SLC24A2: variants seen among roughly 807,000 people sequenced by gnomAD.
SLC24A2 encodes sodium/potassium/calcium exchanger 2.
A neutral mutation model predicts 62.0 loss-of-function variants in SLC24A2; 36 were observed. The ratio of observed to expected loss-of-function variants is 0.58; its 90% CI spans 0.44 to 0.77. The LOEUF (loss-of-function observed/expected upper bound fraction) is 0.77, where lower values mean the gene tolerates loss of function less well. Ranked by LOEUF, SLC24A2 falls within the 30% of genes least tolerant of loss-of-function variation. The pLI, the probability that SLC24A2 is intolerant of heterozygous loss-of-function variation, is 0.00. For missense variants in SLC24A2, 846 were observed against 817.9 expected (o/e 1.03, Z -0.42); for synonymous variants, 358 against 294.0 (o/e 1.22, Z -2.23).
the SLC24A2 span, among the ~76,000 whole-genome samples, chr9:19,829,972 G>T: frequency 6.7e-6 from 1 of 150,126 alleles, no homozygotes; most frequent in African/African-American, 2.5e-5. Context: ...TTTCTTTTTT[G>T]ATATAAGAGG....
chr9:19,570,417 C>A (rs1013343560), intron 7 of SLC24A2, among the ~76,000 whole-genome samples: 1 of 152,156 alleles, frequency 6.6e-6, no homozygotes, highest in Non-Finnish European at 1.5e-5. Flanking sequence ...CTATTTAGGA[C>A]CAACTTCTTC....
intron 2 of SLC24A2, among the ~76,000 whole-genome samples, chr9:19,636,094 C>A (rs949369868): frequency 5.9e-5 from 9 of 152,050 alleles, no homozygotes. Context: ...TGCAACCAAC[C>A]CCTGAGGGCA....
chr9:20,226,016 G>A, the SLC24A2 span, among the ~76,000 whole-genome samples: 6 of 152,106 alleles, frequency 3.9e-5, no homozygotes, highest in African/African-American at 1.4e-4. Context: ...CATACAGTTT[G>A]TCAATGAAAA....
At chr9:19,774,353 C>G (rs773383585) in intron 2 of SLC24A2, among the ~76,000 whole-genome samples, 1 of 152,142 alleles carries the variant, frequency 6.6e-6, no homozygotes, top group Non-Finnish European at 1.5e-5. Flanking sequence ...TATCCAAGAT[C>G]ACACAGCTAG....
chr9:19,666,023 A>T (rs1819243179), intron 2 of SLC24A2, among the ~76,000 whole-genome samples: 1 of 152,168 alleles, frequency 6.6e-6, no homozygotes, highest in African/African-American at 2.4e-5. Context: ...AGCATATGGT[A>T]TGCAAATAAT....
the SLC24A2 span, among the ~76,000 whole-genome samples, chr9:19,891,872 C>G: frequency 1.3e-5 from 2 of 152,184 alleles, no homozygotes; most frequent in Non-Finnish European, 2.9e-5. Flanking sequence ...CCTCAAGACC[C>G]AAACACCTCC....
chr9:19,840,996 T>C, the SLC24A2 span, among the ~76,000 whole-genome samples: 1 of 152,240 alleles, frequency 6.6e-6, no homozygotes, highest in African/African-American at 2.4e-5. Flanking sequence ...TTCCTGTTGA[T>C]GAACAGCTGG....
rs1823261919 is a variant in SLC24A2, at chr9:19,788,929, C to T, written c.-198G>A. 2.0e-6 allele frequency: 2 copies of T among 985,132 alleles called. No homozygotes were observed. The highest frequency in any genetic ancestry group is 2.4e-6 in the Non-Finnish European group (2 of 829,674). 61.0% of individuals were successfully genotyped at this position (985,132 alleles called of 1,614,324 possible). Reference sequence around the variant, plus strand: ...GCGCACACGGCGGGGCCCCCGAGCGCGGCCCGCCGCTCCAGTCCGCCGGCC... The same window carrying T: ...GCGCACACGGCGGGGCCCCCGAGCGTGGCCCGCCGCTCCAGTCCGCCGGCC... On this transcript the variant is annotated 5_prime_UTR_variant, in exon 1 of 11. Coordinates refer to ENST00000341998, the MANE Select transcript of SLC24A2 (RefSeq NM_020344.4).
chr9:19,952,778 T>G, the SLC24A2 span, among the ~76,000 whole-genome samples: 1 of 151,766 alleles, frequency 6.6e-6, no homozygotes, highest in African/African-American at 2.4e-5. Flanking sequence ...TGGGAAGTAT[T>G]TTCTACACCT....
chr9:19,707,450 C>T (rs1475155614), intron 2 of SLC24A2, among the ~76,000 whole-genome samples: 3 of 152,070 alleles, frequency 2.0e-5, no homozygotes, highest in African/African-American at 4.8e-5. Flanking sequence ...AGAGACACAA[C>T]CAAAAAAGAA....
chr9:19,585,323 C>A (rs1836341795), intron 5 of SLC24A2, among the ~76,000 whole-genome samples: 1 of 152,116 alleles, frequency 6.6e-6, no homozygotes, highest in South Asian at 2.1e-4. Flanking sequence ...TTGTTTCAAT[C>A]TTGACCACTG....
the SLC24A2 span, among the ~76,000 whole-genome samples, chr9:19,951,015 G>A: frequency 6.6e-6 from 1 of 152,158 alleles, no homozygotes; most frequent in Non-Finnish European, 1.5e-5. Flanking sequence ...GAGCTGGGAT[G>A]TTCTCCAGTT....
intron 4 of SLC24A2, among the ~76,000 whole-genome samples, chr9:19,603,237 C>T (rs964904406): frequency 2.0e-5 from 3 of 152,062 alleles, no homozygotes; most frequent in Non-Finnish European, 2.9e-5. Context: ...ATCTTGGGTA[C>T]ATTTTTGCTT....
At chr9:20,140,598 G>A in the SLC24A2 span, among the ~76,000 whole-genome samples, 1 of 152,140 alleles carries the variant, frequency 6.6e-6, no homozygotes, top group East Asian at 1.9e-4. Context: ...TCAGCTATCT[G>A]AAACCCTGAC....
At chr9:20,263,727 T>C in the SLC24A2 span, among the ~76,000 whole-genome samples, 3 of 152,064 alleles carry the variant, frequency 2.0e-5, no homozygotes, top group Non-Finnish European at 4.4e-5. Flanking sequence ...CTTTACCCTA[T>C]AGTATGTGTT....
At chr9:20,101,056 C>G in the SLC24A2 span, among the ~76,000 whole-genome samples, 4 of 152,242 alleles carry the variant, frequency 2.6e-5, no homozygotes, top group African/African-American at 4.8e-5. Context: ...ACCCCCACAT[C>G]TTTCTGGTGA....
At chr9:20,005,287 G>C in the SLC24A2 span, among the ~76,000 whole-genome samples, 5 of 152,104 alleles carry the variant, frequency 3.3e-5, no homozygotes, top group Non-Finnish European at 7.4e-5. Flanking sequence ...CCCATAGCAA[G>C]AACTGGGGCA....
At chr9:20,075,150 A>T in the SLC24A2 span, among the ~76,000 whole-genome samples, 1 of 152,202 alleles carries the variant, frequency 6.6e-6, no homozygotes, top group African/African-American at 2.4e-5. Flanking sequence ...ACAGCCTGGA[A>T]ATAACTCATA....
chr9:19,717,957 G>A (rs1368241237), intron 2 of SLC24A2, among the ~76,000 whole-genome samples: 1 of 151,212 alleles, frequency 6.6e-6, no homozygotes, highest in African/African-American at 2.4e-5. Flanking sequence ...CAAATATAAT[G>A]GCTAGATGAT....
Sources: allele counts gnomAD v4.1 joint callset (sites outside exome capture counted in the v4.1 genomes callset), GRCh38; gene constraint gnomAD v4.1.1; transcripts MANE v1.5; gene names NCBI Gene and HGNC (gene_info 2026-07-23, HGNC 2026-07-21).